Variants in VPS41 observed in about 807,000 individuals in gnomAD.
VPS41 encodes vacuolar protein sorting-associated protein 41 homolog.
VPS41 carries 85 observed loss-of-function variants against 130.9 expected under a neutral mutation model. That is an observed-to-expected ratio of 0.65 (90% CI 0.55 to 0.78). VPS41 has a LOEUF of 0.78. VPS41 is among the 30% of genes least tolerant of loss of function. The pLI, the probability that VPS41 is intolerant of heterozygous loss-of-function variation, is 0.00. For synonymous variants in VPS41, 335 were observed against 332.9 expected, an observed-to-expected ratio of 1.01 and a Z score of -0.07; for missense variants, 874 against 1,018.7, an observed-to-expected ratio of 0.86 and a Z score of 1.93.
intron 9 of VPS41, among the ~76,000 whole-genome samples, chr7:38,793,516 T>A (rs746181233): frequency 6.6e-6 from 1 of 152,202 alleles, no homozygotes; most frequent in Admixed American, 6.5e-5. Flanking sequence ...AAAAATTGTA[T>A]AGAAGCTGGA....
At chr7:38,832,322 T>TC (rs1251892429) in intron 4 of VPS41, among the ~76,000 whole-genome samples, 6 of 145,326 alleles carry the variant, frequency 4.1e-5, no homozygotes, top group African/African-American at 7.5e-5. Flanking sequence ...TTTCTTTCTT[T>TC]TTTTTTTTTT....
intron 16 of VPS41, among the ~76,000 whole-genome samples, chr7:38,765,100 TATTG>T (rs1306294069): frequency 6.6e-6 from 1 of 152,210 alleles, no homozygotes; most frequent in Non-Finnish European, 1.5e-5. Flanking sequence ...AGGAATACTT[TATTG>T]ATTGATTAGG....
At chr7:38,764,670 A>C (rs560209118) in intron 16 of VPS41, among the ~76,000 whole-genome samples, 18 of 152,282 alleles carry the variant, frequency 1.2e-4, no homozygotes, top group African/African-American at 4.1e-4. Flanking sequence ...GGAGGGGTGT[A>C]ACATGTTCTA....
intron 4 of VPS41, among the ~76,000 whole-genome samples, chr7:38,840,768 A>G (rs1042993870): frequency 7.2e-5 from 11 of 152,230 alleles, no homozygotes; most frequent in African/African-American, 2.7e-4. Flanking sequence ...GCAAATGGAA[A>G]TATCATATTA....
At chr7:38,796,642 C>T in intron 8 of VPS41, 103 bp downstream of exon 8, 1 of 1,557,258 alleles carries the variant, frequency 6.4e-7, no homozygotes, top group Non-Finnish European at 8.8e-7. Flanking sequence ...TTAGAAATCA[C>T]CACCACAGCA....
chr7:38,895,862 T>C (rs1020809896), intron 2 of VPS41, among the ~76,000 whole-genome samples: 1 of 152,168 alleles, frequency 6.6e-6, no homozygotes, highest in African/African-American at 2.4e-5. Flanking sequence ...TTCTCAGATC[T>C]CCCCACTAAG....
intron 7 of VPS41, among the ~76,000 whole-genome samples, chr7:38,804,861 C>A (rs1784808473): frequency 6.6e-6 from 1 of 152,104 alleles, no homozygotes; most frequent in South Asian, 2.1e-4. Context: ...GTAATTTTAC[C>A]ACTTAAAAAA....
At chr7:38,771,063 C>G in intron 14 of VPS41, 135 bp downstream of exon 14, 1 of 685,702 alleles carries the variant, frequency 1.5e-6, no homozygotes, top group Non-Finnish European at 2.4e-6. Context: ...ATATTTTGAT[C>G]TCATAGGTTA....
chr7:38,827,492 G>A (rs1320525058), intron 5 of VPS41, among the ~76,000 whole-genome samples: 1 of 152,176 alleles, frequency 6.6e-6, no homozygotes, highest in African/African-American at 2.4e-5. Flanking sequence ...GACAGGAAGA[G>A]GCCAGACTGC....
At chr7:38,893,648 T>C (rs1178162145) in intron 2 of VPS41, among the ~76,000 whole-genome samples, 1 of 152,192 alleles carries the variant, frequency 6.6e-6, no homozygotes, top group Non-Finnish European at 1.5e-5. Context: ...GTCTCAAAAT[T>C]TTGCCACAAC....
chr7:38,725,235 T>A lies in VPS41; in HGVS notation c.*1011A>T, dbSNP rs1279203130. ...ACACTCATTAGAGGATGACCATATA[T>A]CCCAAGGAAGATGAAGCCAGTAACT... On this transcript the variant is annotated 3_prime_UTR_variant, in exon 29 of 29. Coordinates refer to ENST00000310301, the MANE Select transcript of VPS41 (RefSeq NM_014396.4). 1 of 152,130 alleles carries A rather than the reference T, an allele frequency of 6.6e-6. No individual in the cohort carries two copies. Among genetic ancestry groups the A allele is most frequent in the African/African-American group, 2.4e-5 (1 of 41,420 alleles). 9.4% of individuals were successfully genotyped at this position (152,130 alleles called of 1,614,324 possible). A position where few individuals can be genotyped will look rare whatever the true frequency, so the allele number is the denominator to read the frequency against.
chr7:38,728,898 A>AAAAGGGGC, intron 25 of VPS41, 107 bp from the exon 26 acceptor site: 1 of 958,974 alleles, frequency 1.0e-6, no homozygotes, highest in Non-Finnish European at 1.6e-6. Flanking sequence ...TGAAATACTC[A>AAAAGGGGC]AAAGGGGCAC....
chr7:38,817,139 G>A (rs767394541), intron 7 of VPS41, among the ~76,000 whole-genome samples: 1 of 151,736 alleles, frequency 6.6e-6, no homozygotes, highest in Non-Finnish European at 1.5e-5. Flanking sequence ...GTTTATCAAG[G>A]CCCGCAAGAG....
At chr7:38,727,111 G>T in intron 27 of VPS41, 123 bp from the exon 28 acceptor site, 1 of 841,110 alleles carries the variant, frequency 1.2e-6, no homozygotes, top group Non-Finnish European at 1.7e-6. Flanking sequence ...TTAGAGAATG[G>T]CTTATTTACA....
chr7:38,898,887 G>T (rs1787076881), intron 1 of VPS41, among the ~76,000 whole-genome samples: 1 of 152,106 alleles, frequency 6.6e-6, no homozygotes, highest in Non-Finnish European at 1.5e-5. Context: ...GCAATAAAAG[G>T]TTACAACTAA....
chr7:38,890,621 G>A (rs776795059), intron 2 of VPS41, among the ~76,000 whole-genome samples: 2 of 152,098 alleles, frequency 1.3e-5, no homozygotes, highest in Non-Finnish European at 2.9e-5. Flanking sequence ...TTGTACTAGA[G>A]TTACGTAAGA....
Position 38,824,478 on chromosome 7 carries a change from T to C in VPS41, c.322-3213A>G, listed in dbSNP as rs772184780. ...TATGCCTGTTGAACTGATGATTCTA[T>C]AGAAAAATGACTTGCCTAAGGTCAT... On this transcript the variant is annotated intron_variant, in intron 5 of 28. Transcript: ENST00000310301. Among the ~76,000 whole-genome samples, 9 of 152,316 alleles carry C rather than the reference T, an allele frequency of 5.9e-5. No homozygotes were observed. The South Asian group carries it at 6.2e-4, about 11-fold the overall frequency.
chr7:38,905,426 T>C (rs1263455907), intron 1 of VPS41, among the ~76,000 whole-genome samples: 1 of 152,234 alleles, frequency 6.6e-6, no homozygotes, highest in East Asian at 1.9e-4. Flanking sequence ...ATAAAATATA[T>C]ATGTAGTTAC....
chr7:38,869,284 G>T, intron 2 of VPS41, 31 bp from the exon 3 acceptor site: 1 of 1,489,532 alleles, frequency 6.7e-7, no homozygotes, highest in Non-Finnish European at 9.3e-7. Flanking sequence ...AATGACACCC[G>T]TCAGAGATTT....
Sources: gnomAD v4.1 joint callset for allele counts (sites outside exome capture counted in the v4.1 genomes callset) on GRCh38, gnomAD v4.1.1 for gene constraint, MANE v1.5 for transcripts, NCBI Gene and HGNC (gene_info 2026-07-23, HGNC 2026-07-21) for gene names.